The following IFNA14 variants were observed in gnomAD, a reference collection of about 807,000 sequenced individuals.
The protein encoded by IFNA14 is interferon alpha 14, also known as interferon alpha-14.
For missense variants in IFNA14, 337 were observed against 214.9 expected (o/e 1.57, Z -3.55); for synonymous variants, 113 against 76.8 (o/e 1.47, Z -2.46).
In IFNA14 at chr9:21,239,176, A is replaced by G. The variant is rs1412218277; in HGVS notation, c.*190T>C. 11 of 621,268 alleles carry G rather than the reference A, an allele frequency of 1.8e-5. No individual in the cohort carries two copies. Among genetic ancestry groups the G allele is most frequent in the Non-Finnish European group, 2.8e-5 (11 of 394,102 alleles). 38.5% of individuals were successfully genotyped at this position (621,268 alleles called of 1,614,324 possible). On this transcript the variant is annotated 3_prime_UTR_variant, in exon 1 of 1. Transcript: ENST00000380222. ...TAAATAGATGAAAGGAGACATCAGC[A>G]TGGTCATCTGTAAAGGACTAGTGCC... is the stretch of plus-strand genomic sequence containing the variant.
At position 21,239,929 on chromosome 9, in the gene IFNA14, A is replaced by G. The variant is rs148175828; in HGVS notation, c.7T>C (p.Leu3=). Reference sequence around the variant, plus strand: ...AGGGCCATCATTAAAGCAAAGGGCAATGCCATTGGGAATCCCGAAGATGCT... The same window carrying G: ...AGGGCCATCATTAAAGCAAAGGGCAGTGCCATTGGGAATCCCGAAGATGCT... MA[L]PFALMMALVV... Residue 3 remains leucine, a synonymous_variant, in exon 1 of 1, where the codon TTG becomes CTG. Transcript: ENST00000380222. 5.0e-5 allele frequency: 80 copies of G among 1,613,928 alleles called. No individual in the cohort carries two copies. Among genetic ancestry groups the G allele is most frequent in the African/African-American group, 4.8e-4 (36 of 74,912 alleles).
Position 21,239,496 on chromosome 9 carries a change from A to G in IFNA14, c.440T>C (p.Phe147Ser). Reference sequence around the variant, plus strand: ...CATCAGATAAAGAGTGATTCTTTGGAAGTATTTCTTCACAGCCAGGATGGA... The same window carrying G: ...CATCAGATAAAGAGTGATTCTTTGGGAGTATTTCTTCACAGCCAGGATGGA... ...EDSILAVKKY[F>S]QRITLYLMEK... The change falls in exon 1 of 1, where the codon TTC becomes TCC. Residue 147 changes from phenylalanine to serine, a missense_variant. Coordinates refer to ENST00000380222, the MANE Select transcript of IFNA14 (RefSeq NM_002172.3). 6.2e-7 allele frequency: 1 copy of G among 1,614,124 alleles called. No individual in the cohort carries two copies. The highest frequency in any genetic ancestry group is 8.5e-7 in the Non-Finnish European group (1 of 1,180,012).
rs919042382 is a variant in IFNA14 at position 21,239,216 on chromosome 9, T to C, written c.*150A>G. The C allele has an allele frequency of 3.8e-5, 51 of 1,340,020 alleles. No individual in the cohort carries two copies. Among genetic ancestry groups the C allele is most frequent in the Middle Eastern group, 5.3e-4 (2 of 3,740 alleles). The allele number at this position is 1,340,020 out of a possible 1,614,324, so 83.0% of individuals were successfully genotyped here. ...GGACTAGTGCCTGCACAGGTATACA[T>C]GATGCTTCTTTACACTCCTGAAAAC... On this transcript the variant is annotated 3_prime_UTR_variant, in exon 1 of 1. Coordinates refer to ENST00000380222, the MANE Select transcript of IFNA14 (RefSeq NM_002172.3).
Position 21,239,246 on chromosome 9 carries a change from G to T in IFNA14, c.*120C>A. On this transcript the variant is annotated 3_prime_UTR_variant, in exon 1 of 1. Transcript: ENST00000380222. ...CTTCTTTACACTCCTGAAAACATTT[G>T]AAAATTTTGATTCAACTTGTGGTGG... The T allele has an allele frequency of 1.9e-6, 3 of 1,542,812 alleles. No homozygotes were observed. The highest frequency in any genetic ancestry group is 2.6e-6 in the Non-Finnish European group (3 of 1,145,926).
chr9:21,239,593 G>A, the IFNA14 span: 1 of 1,613,972 alleles, frequency 6.2e-7, no homozygotes, highest in South Asian at 1.1e-5. Flanking sequence ...TCATTCATTT[G>A]CTGGAAAAGT....
rs755607440 is a variant in IFNA14, at chr9:21,239,754, A to G, written c.182T>C (p.Phe61Ser). 1.2e-6 allele frequency: 2 copies of G among 1,614,146 alleles called. No individual in the cohort carries two copies. Among genetic ancestry groups the G allele is most frequent in the Non-Finnish European group, 1.7e-6 (2 of 1,180,020 alleles). The change falls in exon 1 of 1, where the codon TTT (phenylalanine) becomes TCT (serine). Residue 61 changes from phenylalanine (F) to serine (S), a missense_variant. Coordinates refer to ENST00000380222, the MANE Select transcript of IFNA14 (RefSeq NM_002172.3). ...GTTGCCATCAAATTCCTCCTGGGGA[A>G]ATTCAAAGTCATGTCTGTCCTTCAG... ...SCLKDRHDFE[F>S]PQEEFDGNQF...
chr9:21,239,625 A>C lies in IFNA14; in HGVS notation c.311T>G (p.Leu104Arg). The C allele has an allele frequency of 6.2e-7, 1 of 1,613,942 alleles. No homozygotes were observed. Among genetic ancestry groups the C allele is most frequent in the South Asian group, 1.1e-5 (1 of 91,070 alleles). The stretch of plus-strand genomic sequence containing the variant: ...AAGTTCAATGTAGAATTTTTCTAGG[A>C]GGGTCTCATCCCAAGCAGCAGATGA... The part of the protein sequence containing the change: ...KNSSAAWDET[L>R]LEKFYIELFQ... Residue 104 changes from leucine (L) to arginine (R), a missense_variant, in exon 1 of 1, where the codon CTC becomes CGC. Physicochemically the swap from Leu to Arg is moderately radical, Grantham distance 102 (BLOSUM62 -2). Coordinates refer to ENST00000380222, the MANE Select transcript of IFNA14 (RefSeq NM_002172.3).
At position 21,239,984 on chromosome 9, in the gene IFNA14, A is replaced by G; in HGVS notation, c.-49T>C. ...GGCTGGTTGATGAGGGGTAACACTG[A>G]ACCTTGGGTTGTAGGTTTTCTGAAG... On this transcript the variant is annotated 5_prime_UTR_variant, in exon 1 of 1. Transcript: ENST00000380222. The G allele has an allele frequency of 6.6e-7, 1 of 1,515,410 alleles. No homozygotes were observed. Among genetic ancestry groups the G allele is most frequent in the East Asian group, 2.3e-5 (1 of 44,390 alleles). 93.9% of individuals were successfully genotyped at this position (1,515,410 alleles called of 1,614,324 possible). A position where few individuals can be genotyped will look rare whatever the true frequency, so the allele number is the denominator to read the frequency against.
rs775016079 is a variant in IFNA14, at chr9:21,239,938, G to A, written c.-3C>T. ...ATTAAAGCAAAGGGCAATGCCATTG[G>A]GAATCCCGAAGATGCTGCTGGGCTG... On this transcript the variant is annotated 5_prime_UTR_variant, in exon 1 of 1. Transcript: ENST00000380222. 1.7e-5 allele frequency: 28 copies of A among 1,613,624 alleles called. No homozygotes were observed. The African/African-American group carries it at 2.8e-4, about 16-fold the overall frequency.
Position 21,239,843 on chromosome 9 carries a change from G to T in IFNA14, c.93C>A (p.Ser31Arg), listed in dbSNP as rs749351668. The stretch of plus-strand genomic sequence containing the variant: ...GCATCAAAGTCCTCCTGTTATTCAG[G>T]CTGTGGGTTTGAGACAGATTACAGC... Reference protein sequence around the residue: ...SLGCNLSQTHSLNNRRTLMLM... With the variant: ...SLGCNLSQTHRLNNRRTLMLM... The change falls in exon 1 of 1, where the codon AGC becomes AGA. Residue 31 changes from serine (S) to arginine (R), a missense_variant. Coordinates refer to ENST00000380222, the MANE Select transcript of IFNA14 (RefSeq NM_002172.3). The T allele has an allele frequency of 1.2e-6, 2 of 1,614,072 alleles. No homozygotes were observed. The highest frequency in any genetic ancestry group is 3.3e-5 in the Admixed American group (2 of 60,012).
Position 21,239,529 on chromosome 9 carries a change from T to C in IFNA14, c.407A>G (p.Asn136Ser), listed in dbSNP as rs763421346. 2 of 1,614,142 alleles carry C rather than the reference T, an allele frequency of 1.2e-6. No homozygotes were observed. Among genetic ancestry groups the C allele is most frequent in the South Asian group, 2.2e-5 (2 of 91,080 alleles). ...EVGVEETPLM[N>S]EDSILAVKKY... ...CTTCACAGCCAGGATGGAGTCCTCA[T>C]TCATCAGGGGAGTCTCTTCCACCCC... is the stretch of plus-strand genomic sequence containing the variant. The change falls in exon 1 of 1, where the codon AAT becomes AGT. Residue 136 changes from asparagine (N) to serine (S), a missense_variant. Asn to Ser is a conservative substitution (Grantham distance 46, BLOSUM62 1). Transcript: ENST00000380222.
Position 21,239,626 on chromosome 9 carries a change from G to A in IFNA14, c.310C>T (p.Leu104Phe), listed in dbSNP as rs139032707. ...AGTTCAATGTAGAATTTTTCTAGGA[G>A]GGTCTCATCCCAAGCAGCAGATGAG... The part of the protein sequence containing the change: ...KNSSAAWDET[L>F]LEKFYIELFQ... Residue 104 changes from leucine to phenylalanine, a missense_variant, in exon 1 of 1, where the codon CTC becomes TTC. Leu to Phe is a conservative substitution (Grantham distance 22). Transcript: ENST00000380222. The A allele has an allele frequency of 2.7e-5, 43 of 1,613,788 alleles. No individual in the cohort carries two copies. The highest frequency in any genetic ancestry group is 5.0e-5 in the Admixed American group (3 of 59,978).
At position 21,239,304 on chromosome 9, in the gene IFNA14, A is replaced by G. The variant is rs1242346330; in HGVS notation, c.*62T>C. ...AGAAGTGAGTCTTTGAAATGGAAGA[A>G]CTCATGAAAGTGTGAGATGATGTAT... On this transcript the variant is annotated 3_prime_UTR_variant, in exon 1 of 1. Coordinates refer to ENST00000380222, the MANE Select transcript of IFNA14 (RefSeq NM_002172.3). The G allele has an allele frequency of 1.9e-6, 3 of 1,600,108 alleles. No homozygotes were observed. Among genetic ancestry groups the G allele is most frequent in the Non-Finnish European group, 2.6e-6 (3 of 1,176,338 alleles).
At position 21,239,438 on chromosome 9, in the gene IFNA14, A is replaced by T; in HGVS notation, c.498T>A (p.Val166=). ...EKKYSPCAWE[V]VRAEIMRSLS... ...GGGATCTCATGATTTCTGCTCTGAC[A>T]ACCTCCCAGGCACAAGGGCTGTATT... The change falls in exon 1 of 1, where the codon GTT becomes GTA. Residue 166 remains valine, a synonymous_variant. Transcript: ENST00000380222. The T allele has an allele frequency of 6.2e-7, 1 of 1,614,112 alleles. No individual in the cohort carries two copies. The highest frequency in any genetic ancestry group is 8.5e-7 in the Non-Finnish European group (1 of 1,180,014).
At position 21,239,792 on chromosome 9, in the gene IFNA14, A is replaced by G. The variant is rs1158834918; in HGVS notation, c.144T>C (p.Ser48=). ...GTCTGTCCTTCAGGCAGGAGAAAGG[A>G]GAGATTCTCCTCATTTGTGCCATGA... ...LMLMAQMRRI[S]PFSCLKDRHD... The change falls in exon 1 of 1, where the codon TCT becomes TCC. Residue 48 remains serine, a synonymous_variant. Coordinates refer to ENST00000380222, the MANE Select transcript of IFNA14 (RefSeq NM_002172.3). The G allele has an allele frequency of 1.2e-6, 2 of 1,613,948 alleles. No homozygotes were observed. Among genetic ancestry groups the G allele is most frequent in the African/African-American group, 1.3e-5 (1 of 74,892 alleles).
At position 21,239,175 on chromosome 9, in the gene IFNA14, C is replaced by T. The variant is rs373615837; in HGVS notation, c.*191G>A. Reference sequence around the variant, plus strand: ...ATAAATAGATGAAAGGAGACATCAGCATGGTCATCTGTAAAGGACTAGTGC... The same window carrying T: ...ATAAATAGATGAAAGGAGACATCAGTATGGTCATCTGTAAAGGACTAGTGC... On this transcript the variant is annotated 3_prime_UTR_variant, in exon 1 of 1. Transcript: ENST00000380222. The T allele has an allele frequency of 4.9e-6, 3 of 611,310 alleles. No homozygotes were observed. The South Asian group carries it at 1.2e-4, about 25-fold the overall frequency. The allele number at this position is 611,310 out of a possible 1,614,324, so 37.9% of individuals were successfully genotyped here.
Position 21,239,749 on chromosome 9 carries a change from G to T in IFNA14, c.187C>A (p.Gln63Lys), listed in dbSNP as rs767328413. Residue 63 changes from glutamine to lysine, a missense_variant, in exon 1 of 1, where the codon CAG becomes AAG. Gln to Lys is a moderately conservative substitution (Grantham distance 53, BLOSUM62 1). Coordinates refer to ENST00000380222, the MANE Select transcript of IFNA14 (RefSeq NM_002172.3). ...AACTGGTTGCCATCAAATTCCTCCT[G>T]GGGAAATTCAAAGTCATGTCTGTCC... ...LKDRHDFEFP[Q>K]EEFDGNQFQK... 1.9e-6 allele frequency: 3 copies of T among 1,614,110 alleles called. No homozygotes were observed. In the East Asian group the frequency reaches 6.7e-5, roughly 36 times the overall value.
rs1818860967 is a variant in IFNA14, at chr9:21,239,833, T to C, written c.103A>G (p.Arg35Gly). Residue 35 changes from arginine to glycine, a missense_variant, in exon 1 of 1, where the codon AGG becomes GGG. Coordinates refer to ENST00000380222, the MANE Select transcript of IFNA14 (RefSeq NM_002172.3). ...NLSQTHSLNN[R>G]RTLMLMAQMR... The stretch of plus-strand genomic sequence containing the variant: ...TGTGCCATGAGCATCAAAGTCCTCC[T>C]GTTATTCAGGCTGTGGGTTTGAGAC... 1 of 1,614,122 alleles carries C rather than the reference T, an allele frequency of 6.2e-7. No individual in the cohort carries two copies.
rs1007782449 is a variant in IFNA14 at position 21,239,262 on chromosome 9, C to G, written c.*104G>C. ...AAAACATTTGAAAATTTTGATTCAA[C>G]TTGTGGTGGTTATAGGAGAAGTGAG... On this transcript the variant is annotated 3_prime_UTR_variant, in exon 1 of 1. Transcript: ENST00000380222. 5.7e-6 allele frequency: 9 copies of G among 1,569,226 alleles called. No homozygotes were observed. The African/African-American group carries it at 9.7e-5, about 17-fold the overall frequency.
Sources: gnomAD v4.1 joint callset for allele counts on GRCh38, gnomAD v4.1.1 for gene constraint, MANE v1.5 for transcripts, NCBI Gene and HGNC (gene_info 2026-07-23, HGNC 2026-07-21) for gene names.